The following INTS10 variants were observed in gnomAD, a reference collection of about 807,000 sequenced individuals.
INTS10 encodes the protein integrator complex subunit 10, also known as chromosome 8 open reading frame 35.
A neutral mutation model predicts 94.4 loss-of-function variants in INTS10; 44 were observed. The observed-to-expected ratio is 0.47, with a 90% confidence interval of 0.37 to 0.60. The LOEUF (loss-of-function observed/expected upper bound fraction) is 0.60, where lower values mean the gene tolerates loss of function less well. Among genes scored for constraint, INTS10 ranks in the 20% least tolerant of loss-of-function variants. The probability of loss-of-function intolerance (pLI) is 0.00; values close to 1 mark genes in which losing one functional copy is unlikely to be tolerated. For missense variants in INTS10, 797 were observed against 868.7 expected (o/e 0.92, Z 1.04); for synonymous variants, 341 against 320.7 (o/e 1.06, Z -0.68).
intron 3 of INTS10, 81 bp downstream of exon 3, chr8:19,819,757 TG>T (rs2066221851): frequency 1.0e-6 from 1 of 987,392 alleles, no homozygotes; most frequent in Non-Finnish European, 1.6e-6. Context: ...AAGTCACACC[TG>T]GGGTATTGGT....
intron 4 of INTS10, chr8:19,821,571 C>A (rs987481326): frequency 2.0e-5 from 3 of 152,240 alleles, no homozygotes; most frequent in African/African-American, 4.8e-5. Flanking sequence ...GCCACAGCCT[C>A]CTGAGTAGCT....
chr8:19,823,960 A>T lies in INTS10; in HGVS notation c.752A>T (p.Gln251Leu), dbSNP rs2066593443. Reference protein sequence around the residue: ...IIEGLTEKSSQIVDPWERLFK... With the variant: ...IIEGLTEKSSLIVDPWERLFK... ...GAAGGGCTGACGGAAAAATCATCCC[A>T]GATCGTGGACCCTTGGGAGAGGTTG... The change falls in exon 7 of 17, where the codon CAG (glutamine) becomes CTG (leucine). Residue 251 changes from glutamine (Q) to leucine (L), a missense_variant. By Grantham distance (113) the Gln-to-Leu change is moderately radical. This residue lies in a region of INTS10 where 734 missense variants were observed against 787.8 expected (regional missense o/e 0.93). Transcript: ENST00000397977. 1.2e-6 allele frequency: 2 copies of T among 1,613,760 alleles called. No homozygotes were observed. Among genetic ancestry groups the T allele is most frequent in the Non-Finnish European group, 1.7e-6 (2 of 1,179,830 alleles).
chr8:19,845,873 C>G, intron 16 of INTS10, 76 bp downstream of exon 16: 1 of 939,876 alleles, frequency 1.1e-6, no homozygotes, highest in Non-Finnish European at 1.7e-6. Context: ...TTGTAAATGT[C>G]TATACCTATC....
chr8:19,833,148 T>G (rs754220845), intron 11 of INTS10, 21 bp from the exon 12 acceptor site: 2 of 1,518,418 alleles, frequency 1.3e-6, no homozygotes, highest in Non-Finnish European at 1.8e-6. Flanking sequence ...TTTCCCCTCC[T>G]TGCTATTCTA....
chr8:19,842,462 G>T (rs1022541858), intron 13 of INTS10, among the ~76,000 whole-genome samples: 1 of 152,138 alleles, frequency 6.6e-6, no homozygotes, highest in Non-Finnish European at 1.5e-5. Context: ...GATCAGAGAA[G>T]GATACACAAT....
In INTS10 at chr8:19,826,852, A is replaced by C. The variant is rs2066837344; in HGVS notation, c.1140+293A>C. Among the ~76,000 whole-genome samples the C allele has an allele frequency of 2.0e-5, 3 of 152,156 alleles. No homozygotes were observed. In the South Asian group the frequency reaches 6.2e-4, roughly 32 times the overall value. On this transcript the variant is annotated intron_variant, in intron 9 of 16. Transcript: ENST00000397977. ...ACCCAAAAGGTCAGTGATGAGGTGG[A>C]GAACCCATGGTATATGTTCCTTATA... is the stretch of plus-strand genomic sequence containing the variant.
rs2068552440 is a variant in INTS10, at chr8:19,846,045, CTCAT to C, written c.1976+253_1976+256del. The C allele has an allele frequency of 2.5e-6, 1 of 398,192 alleles. No homozygotes were observed. Among genetic ancestry groups the C allele is most frequent in the East Asian group, 4.2e-5 (1 of 23,534 alleles). The allele number at this position is 398,192 out of a possible 1,614,324, so 24.7% of individuals were successfully genotyped here. A position where few individuals can be genotyped will look rare whatever the true frequency, so the allele number is the denominator to read the frequency against. On this transcript the variant is annotated intron_variant, in intron 16 of 16. Coordinates refer to ENST00000397977, the MANE Select transcript of INTS10 (RefSeq NM_018142.4). This position sits in a 1 kb window ranked among gnomAD's most constrained non-coding sequence, Gnocchi z 4.2. ...TGCAACTTTTTCACTAGACAAAAGT[CTCAT>C]TCATGATATCTTTTACTTTCAAAAA... is the stretch of plus-strand genomic sequence containing the variant.
chr8:19,840,707 A>T (rs2068062238), intron 13 of INTS10, among the ~76,000 whole-genome samples: 1 of 152,170 alleles, frequency 6.6e-6, no homozygotes, highest in African/African-American at 2.4e-5. Flanking sequence ...GCTGGAGCAG[A>T]TTACGTTGTA....
intron 11 of INTS10, among the ~76,000 whole-genome samples, chr8:19,832,851 A>G (rs531741884): frequency 6.6e-5 from 10 of 152,318 alleles, no homozygotes; most frequent in Non-Finnish European, 1.5e-4. Flanking sequence ...TGCTTGTAGT[A>G]AAATATTTCT....
chr8:19,827,333 T>G (rs1044524335), intron 9 of INTS10, among the ~76,000 whole-genome samples: 1 of 152,180 alleles, frequency 6.6e-6, no homozygotes, highest in African/African-American at 2.4e-5. Context: ...CCTCTGAGGC[T>G]TCTCCTGAAC....
intron 4 of INTS10, chr8:19,821,929 C>A: frequency 6.5e-6 from 1 of 152,844 alleles, no homozygotes; most frequent in South Asian, 2.1e-4. Context: ...GTCTACTATG[C>A]TAAGGCATTG....
intron 15 of INTS10, among the ~76,000 whole-genome samples, chr8:19,844,841 T>A (rs1331754445): frequency 2.0e-5 from 3 of 152,220 alleles, no homozygotes; most frequent in Non-Finnish European, 4.4e-5. Context: ...TATTTCTGAA[T>A]TGCAAGGAAT....
chr8:19,836,696 A>T (rs1196681363), intron 12 of INTS10, among the ~76,000 whole-genome samples: 2 of 152,142 alleles, frequency 1.3e-5, no homozygotes, highest in African/African-American at 4.8e-5. Context: ...TTTTATTGTT[A>T]GTTTTTCTAT....
At chr8:19,824,076 T>C (rs767542341) in intron 7 of INTS10, 32 bp downstream of exon 7, 5 of 1,522,888 alleles carry the variant, frequency 3.3e-6, no homozygotes, top group East Asian at 4.7e-5. Context: ...GAATTGCCTA[T>C]TGATTCTTTT....
At chr8:19,842,951 G>GA (rs757826871) in intron 14 of INTS10, 24 bp downstream of exon 14, 46 of 1,405,388 alleles carry the variant, frequency 3.3e-5, no homozygotes, top group Middle Eastern at 1.8e-4. Context: ...TGATTAGCTT[G>GA]AAAAAAAATG....
chr8:19,842,852 G>A lies in INTS10; in HGVS notation c.1644G>A (p.Ser548=), dbSNP rs548283294. The change falls in exon 14 of 17, where the codon TCG becomes TCA. Residue 548 remains serine, a synonymous_variant. Transcript: ENST00000397977. ...AACATTGTGGACTTCTGTTAGGTTC[G>A]GATCTGAAGCTCCTGCCTTGTACCA... The part of the protein sequence containing the change: ...SKVKPKFRKG[S]DLKLLPCTSK... The A allele has an allele frequency of 1.9e-5, 31 of 1,605,378 alleles. No homozygotes were observed. Among genetic ancestry groups the A allele is most frequent in the South Asian group, 1.5e-4 (14 of 90,754 alleles).
intron 14 of INTS10, 39 bp from the exon 15 acceptor site, chr8:19,844,037 T>G: frequency 6.6e-7 from 1 of 1,519,180 alleles, no homozygotes; most frequent in South Asian, 1.3e-5. Flanking sequence ...CCCTGTGACT[T>G]CCTTTTCCTT....
chr8:19,851,840 G>A lies in INTS10; in HGVS notation c.*35G>A, dbSNP rs1408087125. On this transcript the variant is annotated 3_prime_UTR_variant, in exon 17 of 17. Transcript: ENST00000397977. This position sits in a 1 kb window ranked among gnomAD's most constrained non-coding sequence, Gnocchi z 5.0. ...TTTCCACCAGACACAGCTCGGGCCT[G>A]TGTAATTGTAGGAGAAGACACTCAG... is the stretch of plus-strand genomic sequence containing the variant. 1.3e-6 allele frequency: 2 copies of A among 1,599,264 alleles called. No individual in the cohort carries two copies. Among genetic ancestry groups the A allele is most frequent in the South Asian group, 2.2e-5 (2 of 90,470 alleles).
Position 19,851,505 on chromosome 8 carries a change from G to A in INTS10, c.1977-144G>A, listed in dbSNP as rs554197470. ...AGAAATGGGCTGGAATGTTTGGTTG[G>A]TTGCAGCTATTCTTGTGTTCTTTTT... On this transcript the variant is annotated intron_variant, in intron 16 of 16. Transcript: ENST00000397977. This position sits in a 1 kb window ranked among gnomAD's most constrained non-coding sequence, Gnocchi z 5.0. 7.3e-5 allele frequency: 51 copies of A among 701,710 alleles called. No individual in the cohort carries two copies. In the Admixed American group the frequency reaches 1.0e-3, roughly 14 times the overall value. The allele number at this position is 701,710 out of a possible 1,614,324, so 43.5% of individuals were successfully genotyped here.
Sources: allele counts gnomAD v4.1 joint callset (sites outside exome capture counted in the v4.1 genomes callset), GRCh38; gene constraint gnomAD v4.1.1; regional missense constraint gnomAD v4.1.1; non-coding constraint Gnocchi (gnomAD v3.1); transcripts MANE v1.5; gene names NCBI Gene and HGNC (gene_info 2026-07-23, HGNC 2026-07-21).